Variants in ERC1 observed in about 807,000 individuals in gnomAD.
ERC1 encodes ELKS/RAB6-interacting/CAST family member 1, also known as RAB6 interacting protein 2.
Under a neutral mutation model 132.0 loss-of-function variants are expected in ERC1, and 56 were observed. The observed-to-expected ratio is 0.42, with a 90% CI of 0.34 to 0.53. The LOEUF is 0.53. ERC1 is among the 20% of genes least tolerant of loss of function. The pLI is 0.03. For synonymous variants in ERC1, 478 were observed against 476.1 expected (o/e 1.00, Z -0.05); for missense variants, 1,202 against 1,349.9 (o/e 0.89, Z 1.72).
chr12:1,376,863 A>G (rs1338028589), intron 16 of ERC1, among the ~76,000 whole-genome samples: 1 of 152,226 alleles, frequency 6.6e-6, no homozygotes, highest in East Asian at 1.9e-4. Flanking sequence ...CAAAAAAGAA[A>G]CGGTGCGATT....
chr12:1,491,632 T>C lies in ERC1; in HGVS notation c.*1402T>C, dbSNP rs2094319814. The C allele has an allele frequency of 4.4e-6, 1 of 229,666 alleles. No individual in the cohort carries two copies. Among genetic ancestry groups the C allele is most frequent in the East Asian group, 6.2e-5 (1 of 16,158 alleles). The allele number at this position is 229,666 out of a possible 1,614,324, so 14.2% of individuals were successfully genotyped here. On this transcript the variant is annotated 3_prime_UTR_variant, in exon 19 of 19. Coordinates refer to ENST00000360905, the MANE Select transcript of ERC1 (RefSeq NM_178040.4). ...TCACCCGCTTGCCTGTAGGATTCCA[T>C]TTGATGATTCTGGATTTTTGCTGTT...
intron 16 of ERC1, among the ~76,000 whole-genome samples, chr12:1,405,652 A>G (rs548538613): frequency 6.6e-6 from 1 of 152,306 alleles, no homozygotes; most frequent in South Asian, 2.1e-4. Context: ...GCAGTGAGCC[A>G]GGATCACGCC....
chr12:1,155,084 G>A (rs966295476), intron 8 of ERC1, among the ~76,000 whole-genome samples: 1 of 152,134 alleles, frequency 6.6e-6, no homozygotes, highest in South Asian at 2.1e-4. Context: ...TAGGGAGGCC[G>A]AGGCAGATGG....
intron 14 of ERC1, among the ~76,000 whole-genome samples, chr12:1,285,603 CA>C (rs1375716454): frequency 6.6e-6 from 1 of 152,046 alleles, no homozygotes; most frequent in East Asian, 1.9e-4. Flanking sequence ...TTGAACTTAG[CA>C]AAGCCAGCTA....
chr12:1,262,885 T>C (rs2077231684), intron 13 of ERC1, 149 bp from the exon 14 acceptor site: 1 of 699,882 alleles, frequency 1.4e-6, no homozygotes, highest in Admixed American at 3.0e-5. Context: ...TTGCTTTCTT[T>C]ATTGTGTCCT....
intron 2 of ERC1, among the ~76,000 whole-genome samples, chr12:1,040,922 G>A (rs997045173): frequency 6.6e-6 from 1 of 152,094 alleles, no homozygotes; most frequent in South Asian, 2.1e-4. Flanking sequence ...TAGCTTTGAA[G>A]TCATCCTGAG....
At position 1,432,018 on chromosome 12, in the gene ERC1, A is replaced by G. The variant is rs548060552; in HGVS notation, c.3025-12544A>G. 2.6e-5 allele frequency among the ~76,000 whole-genome samples: 4 copies of G among 152,236 alleles called. No homozygotes were observed. The East Asian group carries it at 7.7e-4, about 29-fold the overall frequency. On this transcript the variant is annotated intron_variant, in intron 17 of 18. Coordinates refer to ENST00000360905, the MANE Select transcript of ERC1 (RefSeq NM_178040.4). ...CTCAGCCTCCTGAGTAACTGGGACTATTGGCATGCACCACCTTACCCTGCT... is the reference window on the plus strand; with the variant it reads ...CTCAGCCTCCTGAGTAACTGGGACTGTTGGCATGCACCACCTTACCCTGCT...
At position 1,116,834 on chromosome 12, in the gene ERC1, G is replaced by C. The variant is rs899542517; in HGVS notation, c.1569+801G>C. On this transcript the variant is annotated intron_variant, in intron 7 of 18. Coordinates refer to ENST00000360905, the MANE Select transcript of ERC1 (RefSeq NM_178040.4). ...CTGACCTCTTGATCCGCCCGCCTCTGCCTCCCAAAGTGCTGGGATTACAGG... is the reference window on the plus strand; with the variant it reads ...CTGACCTCTTGATCCGCCCGCCTCTCCCTCCCAAAGTGCTGGGATTACAGG... 1.2e-4 allele frequency among the ~76,000 whole-genome samples: 18 copies of C among 152,154 alleles called. 1 individual carries two copies. The highest frequency in any genetic ancestry group is 1.2e-3 in the Admixed American group (18 of 15,276).
chr12:1,162,155 A>T (rs995549580), intron 8 of ERC1, among the ~76,000 whole-genome samples: 5 of 152,226 alleles, frequency 3.3e-5, no homozygotes, highest in Admixed American at 1.3e-4. Context: ...ATGAAACGAG[A>T]CAATAGCAGA....
chr12:1,266,447 C>T (rs1377941018), intron 14 of ERC1, among the ~76,000 whole-genome samples: 3 of 126,110 alleles, frequency 2.4e-5, no homozygotes, highest in South Asian at 5.1e-4. Context: ...CTCTGTCGCC[C>T]GGGCTGGAGT....
At chr12:1,042,304 T>C (rs1193852290) in intron 2 of ERC1, among the ~76,000 whole-genome samples, 2 of 150,614 alleles carry the variant, frequency 1.3e-5, no homozygotes, top group African/African-American at 2.4e-5. Flanking sequence ...CCCGAAGTGC[T>C]GGGATTACAG....
chr12:1,328,454 T>G (rs1438597366), intron 15 of ERC1, among the ~76,000 whole-genome samples: 1 of 152,164 alleles, frequency 6.6e-6, no homozygotes, highest in Non-Finnish European at 1.5e-5. Context: ...TTAATACTTT[T>G]GAAAACACGT....
chr12:1,480,832 C>G, intron 18 of ERC1: 1 of 702,478 alleles, frequency 1.4e-6, no homozygotes, highest in Non-Finnish European at 2.6e-6. Flanking sequence ...TCTTTCCCAA[C>G]TTATCCACAG....
chr12:1,282,572 T>C (rs2078754323), intron 14 of ERC1, among the ~76,000 whole-genome samples: 1 of 152,224 alleles, frequency 6.6e-6, no homozygotes, highest in African/African-American at 2.4e-5. Context: ...GTGTAAATGA[T>C]AGCCTAAAGC....
intron 17 of ERC1, among the ~76,000 whole-genome samples, chr12:1,432,155 A>G (rs2092815363): frequency 1.3e-5 from 2 of 152,204 alleles, no homozygotes; most frequent in Non-Finnish European, 1.5e-5. Context: ...CTGGGATAGC[A>G]TATACTTAGG....
intron 2 of ERC1, among the ~76,000 whole-genome samples, chr12:1,067,276 T>C (rs1437096714): frequency 6.6e-6 from 1 of 152,250 alleles, no homozygotes; most frequent in Non-Finnish European, 1.5e-5. Flanking sequence ...GTGTTTCTGC[T>C]ATCCGATGAA....
At chr12:1,439,347 A>G (rs2093038985) in intron 17 of ERC1, among the ~76,000 whole-genome samples, 1 of 152,228 alleles carries the variant, frequency 6.6e-6, no homozygotes, top group Non-Finnish European at 1.5e-5. Flanking sequence ...ACCTCACTGA[A>G]GTGGAAACTA....
Position 1,230,093 on chromosome 12 carries a change from G to A in ERC1, c.2352-6676G>A, listed in dbSNP as rs187544755. On this transcript the variant is annotated intron_variant, in intron 12 of 18. Coordinates refer to ENST00000360905, the MANE Select transcript of ERC1 (RefSeq NM_178040.4). ...ACAATCTTGGCTCACTGCAACCACC[G>A]CCTCCCGGGTTCAAGCGATTCTCCT... Among the ~76,000 whole-genome samples the A allele has an allele frequency of 1.8e-4, 24 of 136,660 alleles. No homozygotes were observed. The East Asian group carries it at 4.4e-3, about 25-fold the overall frequency. The allele number at this position is 136,660 out of a possible 152,430, so 89.7% of individuals were successfully genotyped here. A position where few individuals can be genotyped will look rare whatever the true frequency, so the allele number is the denominator to read the frequency against.
intron 16 of ERC1, among the ~76,000 whole-genome samples, chr12:1,390,350 A>T (rs12301879): frequency 0.52 from 79,085 of 151,916 alleles, 23,799 homozygotes; most frequent in African/African-American, 0.83. Flanking sequence ...TTAAAATTTT[A>T]AAAAAATCAA....
Sources: gnomAD v4.1 joint callset for allele counts (sites outside exome capture counted in the v4.1 genomes callset) on GRCh38, gnomAD v4.1.1 for gene constraint, MANE v1.5 for transcripts, NCBI Gene and HGNC (gene_info 2026-07-23, HGNC 2026-07-21) for gene names.